The following MEI1 variants were observed in gnomAD, a reference collection of about 807,000 sequenced individuals.
The protein encoded by MEI1 is meiosis inhibitor protein 1.
In MEI1, 103 loss-of-function variants were observed where a neutral mutation model predicts 146.2. The ratio of observed to expected loss-of-function variants is 0.70; its 90% confidence interval spans 0.60 to 0.83. The LOEUF is 0.83. MEI1 is among the 40% of genes least tolerant of loss of function. MEI1 has a pLI of 0.00. For synonymous variants in MEI1, 652 were observed against 628.2 expected (o/e 1.04, Z -0.57); for missense variants, 1,529 against 1,533.0 (o/e 1.00, Z 0.04).
At chr22:41,735,102 C>T (rs1057399162) in intron 11 of MEI1, among the ~76,000 whole-genome samples, 2 of 151,754 alleles carry the variant, frequency 1.3e-5, no homozygotes, top group African/African-American at 4.8e-5. Context: ...GCTGGGACTA[C>T]AGGCGCGCGC....
intron 19 of MEI1, among the ~76,000 whole-genome samples, chr22:41,768,842 A>G (rs573561199): frequency 6.6e-6 from 1 of 152,320 alleles, no homozygotes; most frequent in East Asian, 1.9e-4. Flanking sequence ...TGGACATGAG[A>G]TTTGGGCGGG....
At chr22:41,739,573 T>G (rs1273937977) in intron 11 of MEI1, among the ~76,000 whole-genome samples, 1 of 136,202 alleles carries the variant, frequency 7.3e-6, no homozygotes, top group Non-Finnish European at 1.5e-5. Flanking sequence ...AAAATAGCAT[T>G]TACGTGACAG....
Position 41,795,757 on chromosome 22 carries a change from C to A in MEI1, c.3689C>A (p.Ala1230Asp). Residue 1230 changes from alanine to aspartate, a missense_variant, in exon 30 of 31, where the codon GCT (alanine) becomes GAT (aspartate). Ala to Asp is a moderately radical substitution (Grantham distance 126). Around this residue, in one of 3 missense-constraint regions of MEI1, gnomAD observed 313 missense variants for 337.3 expected, o/e 0.93. Transcript: ENST00000401548. This position sits in a 1 kb window ranked among gnomAD's most constrained non-coding sequence, Gnocchi z 4.2. ...FQQLQSMGHL[A>D]DHSMAQTLQA... Reference sequence around the variant, plus strand: ...CAGCTCCAGAGCATGGGACACCTGGCTGACCACAGCATGGCCCAGACCCTG... The same window carrying A: ...CAGCTCCAGAGCATGGGACACCTGGATGACCACAGCATGGCCCAGACCCTG... 1 of 1,613,694 alleles carries A rather than the reference C, an allele frequency of 6.2e-7. No homozygotes were observed. Among genetic ancestry groups the A allele is most frequent in the Non-Finnish European group, 8.5e-7 (1 of 1,179,770 alleles).
At chr22:41,771,909 C>A (rs1291434669) in intron 20 of MEI1, among the ~76,000 whole-genome samples, 1 of 152,158 alleles carries the variant, frequency 6.6e-6, no homozygotes. Flanking sequence ...TAAATTATGA[C>A]CCATTGAATT....
chr22:41,701,397 G>A (rs1352192524), intron 1 of MEI1, among the ~76,000 whole-genome samples: 1 of 152,034 alleles, frequency 6.6e-6, no homozygotes, highest in Non-Finnish European at 1.5e-5. Context: ...TTGGGAGGCC[G>A]AGGTGGTTGG....
rs2073947762 is a variant in MEI1, at chr22:41,754,141, A to G, written c.1951+95A>G. 1.1e-5 allele frequency: 10 copies of G among 937,916 alleles called. No individual in the cohort carries two copies. The East Asian group carries it at 2.2e-4, about 20-fold the overall frequency. The allele number at this position is 937,916 out of a possible 1,614,324, so 58.1% of individuals were successfully genotyped here. ...GACTAGATAGTGAGTTAGTACAGCC[A>G]CGAGATTTCTTTGCCTGAGGCTGCC... On this transcript the variant is annotated intron_variant, in intron 17 of 30. Transcript: ENST00000401548.
In MEI1 at chr22:41,743,402, A is replaced by G. The variant is rs991843936; in HGVS notation, c.1446+208A>G. 2.6e-5 allele frequency among the ~76,000 whole-genome samples: 4 copies of G among 152,208 alleles called. 1 individual carries two copies. Among genetic ancestry groups the G allele is most frequent in the Admixed American group, 2.6e-4 (4 of 15,274 alleles). ...TTTTACAGATGGGGAAACTAAAGCC[A>G]CGAGGGTTAAATAATTTTTCTCTAA... On this transcript the variant is annotated intron_variant, in intron 12 of 30. Coordinates refer to ENST00000401548, the MANE Select transcript of MEI1 (RefSeq NM_152513.4).
chr22:41,747,916 G>T (rs1349067553), intron 14 of MEI1, among the ~76,000 whole-genome samples, 191 bp from the exon 15 acceptor site: 1 of 152,150 alleles, frequency 6.6e-6, no homozygotes, highest in African/African-American at 2.4e-5. Context: ...GAAGCCCAAA[G>T]AGATAAAGTA....
chr22:41,709,137 C>T, intron 3 of MEI1: 1 of 704,606 alleles, frequency 1.4e-6, no homozygotes. Flanking sequence ...AAAAATTCTG[C>T]ATTTTTATAA....
chr22:41,703,374 T>C lies in MEI1; in HGVS notation c.218T>C (p.Leu73Pro). The C allele has an allele frequency of 6.2e-7, 1 of 1,612,314 alleles. No individual in the cohort carries two copies. Among genetic ancestry groups the C allele is most frequent in the African/African-American group, 1.3e-5 (1 of 75,048 alleles). ...ATGTTGTCCTGCTTCCAAGATGCCC[T>C]TGTGAGGCATACCTCCCTGGTCACG... ...KHMLSCFQDA[L>P]VRHTSLVTQL... Residue 73 changes from leucine to proline, a missense_variant, in exon 2 of 31, where the codon CTT becomes CCT. Physicochemically the swap from Leu to Pro is moderately conservative, Grantham distance 98. Around this residue, in one of 3 missense-constraint regions of MEI1, gnomAD observed 1,212 missense variants for 1,178.9 expected, o/e 1.03. Coordinates refer to ENST00000401548, the MANE Select transcript of MEI1 (RefSeq NM_152513.4).
chr22:41,748,586 C>T (rs1487205565), intron 15 of MEI1, among the ~76,000 whole-genome samples: 1 of 152,128 alleles, frequency 6.6e-6, no homozygotes. Context: ...TTAATAATAA[C>T]TAACATTTAA....
chr22:41,770,605 C>T, intron 19 of MEI1, 81 bp from the exon 20 acceptor site: 1 of 1,337,600 alleles, frequency 7.5e-7, no homozygotes, highest in Non-Finnish European at 1.0e-6. Flanking sequence ...GTACATTTTT[C>T]CTAGTCATCT....
Position 41,776,091 on chromosome 22 carries a change from C to A in MEI1, c.2545-11C>A, listed in dbSNP as rs771814341. On this transcript the variant is annotated splice_polypyrimidine_tract_variant and intron_variant, in intron 20 of 30. Transcript: ENST00000401548. ...ACCCTCTGATCTCTGGCTTTCTTCT[C>A]TCCTGCTCAGGACCTCATCTATTCC... 1.2e-6 allele frequency: 2 copies of A among 1,613,376 alleles called. No individual in the cohort carries two copies. Among genetic ancestry groups the A allele is most frequent in the Admixed American group, 1.7e-5 (1 of 60,020 alleles).
chr22:41,740,130 C>G (rs968667526), intron 11 of MEI1, among the ~76,000 whole-genome samples: 6 of 151,980 alleles, frequency 3.9e-5, no homozygotes, highest in African/African-American at 1.2e-4. Flanking sequence ...AACGATTCTC[C>G]TGCCTTAGCC....
chr22:41,790,380 C>T (rs775997283), intron 26 of MEI1, among the ~76,000 whole-genome samples: 9 of 151,886 alleles, frequency 5.9e-5, no homozygotes, highest in African/African-American at 1.5e-4. Context: ...CCACCGCACC[C>T]GGTCTTAAAA....
At chr22:41,749,225 C>CA (rs1238919020) in intron 15 of MEI1, among the ~76,000 whole-genome samples, 7 of 152,046 alleles carry the variant, frequency 4.6e-5, no homozygotes, top group Non-Finnish European at 1.0e-4. Context: ...GAGAGGCAGC[C>CA]AGGGCTCAGC....
At chr22:41,781,656 G>T (rs1421119590) in intron 23 of MEI1, 29 bp from the exon 24 acceptor site, 5 of 1,608,256 alleles carry the variant, frequency 3.1e-6, no homozygotes, top group East Asian at 2.2e-5. Context: ...TGTAACTCCT[G>T]TGGGCCCTGC....
chr22:41,797,681 G>C (rs149452098), intron 30 of MEI1, among the ~76,000 whole-genome samples: 86 of 152,248 alleles, frequency 5.6e-4, no homozygotes, highest in African/African-American at 2.0e-3. Context: ...TTTGTGTTTA[G>C]ACTTGGGTCC....
intron 19 of MEI1, chr22:41,767,495 G>A: frequency 4.5e-6 from 2 of 446,846 alleles, no homozygotes; most frequent in South Asian, 3.1e-5. Flanking sequence ...ATCCCCAATA[G>A]CCAGAGTGTG....
Sources: gnomAD v4.1 joint callset for allele counts (sites outside exome capture counted in the v4.1 genomes callset) on GRCh38, gnomAD v4.1.1 for gene constraint, gnomAD v4.1.1 regional missense constraint, Gnocchi (gnomAD v3.1) non-coding constraint, MANE v1.5 for transcripts, NCBI Gene and HGNC (gene_info 2026-07-23, HGNC 2026-07-21) for gene names.